GLP1R: variants seen among roughly 807,000 people sequenced by gnomAD.
GLP1R encodes glucagon like peptide 1 receptor.
A neutral mutation model predicts 68.4 loss-of-function variants in GLP1R; 32 were observed. The ratio of observed to expected loss-of-function variants is 0.47; its 90% CI spans 0.35 to 0.63. The LOEUF (loss-of-function observed/expected upper bound fraction) is 0.63, where lower values mean the gene tolerates loss of function less well. Ranked by LOEUF, GLP1R falls within the 20% of genes least tolerant of loss-of-function variation. GLP1R has a pLI of 0.00. For synonymous variants in GLP1R, 263 were observed against 244.4 expected (o/e 1.08, Z -0.71); for missense variants, 502 against 594.9 (o/e 0.84, Z 1.62).
At chr6:39,083,576 C>G (rs1313724170) in intron 12 of GLP1R, among the ~76,000 whole-genome samples, 2 of 152,188 alleles carry the variant, frequency 1.3e-5, no homozygotes, top group African/African-American at 4.8e-5. Context: ...TGACTCAGAG[C>G]CCTGAGTGCT....
At position 39,065,720 on chromosome 6, in the gene GLP1R, G is replaced by A; in HGVS notation, c.293G>A (p.Gly98Asp). The A allele has an allele frequency of 6.4e-7, 1 of 1,563,656 alleles. No homozygotes were observed. Among genetic ancestry groups the A allele is most frequent in the Non-Finnish European group, 8.7e-7 (1 of 1,153,066 alleles). The stretch of plus-strand genomic sequence containing the variant: ...GGTCTCCCCACCCCAGTGCCGCAGG[G>A]CCACGTGTACCGGTTCTGCACAGCT... The part of the protein sequence containing the change: ...YLPWASSVPQ[G>D]HVYRFCTAEG... Residue 98 changes from glycine to aspartate, a missense_variant, in exon 4 of 13, where the codon GGC (glycine) becomes GAC (aspartate). Coordinates refer to ENST00000373256, the MANE Select transcript of GLP1R (RefSeq NM_002062.5).
chr6:39,078,990 G>T lies in GLP1R; in HGVS notation c.918G>T (p.Trp306Cys). 6.2e-7 allele frequency: 1 copy of T among 1,614,090 alleles called. No homozygotes were observed. The part of the protein sequence containing the change: ...CWTRNSNMNY[W>C]LIIRLPILFA... ...CCAGGAACTCCAACATGAACTACTG[G>T]CTCATTATCCGGCTGCCCATTCTCT... The change falls in exon 9 of 13, where the codon TGG (tryptophan) becomes TGT (cysteine). Residue 306 changes from tryptophan (W) to cysteine (C), a missense_variant. Transcript: ENST00000373256.
chr6:39,082,480 A>G lies in GLP1R; in HGVS notation c.1224+1741A>G, dbSNP rs1347984517. On this transcript the variant is annotated intron_variant, in intron 12 of 12. Coordinates refer to ENST00000373256, the MANE Select transcript of GLP1R (RefSeq NM_002062.5). The stretch of plus-strand genomic sequence containing the variant: ...AGGCAAAGAGTGGCCCATAAATGGG[A>G]TTCTGGCTGCTCCTGGGACAGGTCT... 3.3e-5 allele frequency among the ~76,000 whole-genome samples: 5 copies of G among 152,258 alleles called. 1 individual carries two copies. In the East Asian group the frequency reaches 9.7e-4, roughly 29 times the overall value.
At chr6:39,065,893 GCAAAGACC>G in intron 4 of GLP1R, 64 bp downstream of exon 4, 1 of 982,088 alleles carries the variant, frequency 1.0e-6, no homozygotes, top group African/African-American at 1.6e-5. Context: ...CTTCACTGGA[GCAAAGACC>G]CTTGGCTTTG....
At chr6:39,080,949 G>A (rs1290567659) in intron 12 of GLP1R, among the ~76,000 whole-genome samples, 1 of 151,968 alleles carries the variant, frequency 6.6e-6, no homozygotes, top group Non-Finnish European at 1.5e-5. Flanking sequence ...ACAAGTACAT[G>A]TACAGGTATA....
Position 39,073,709 on chromosome 6 carries a change from C to T in GLP1R, c.763C>T (p.Leu255=). ...GGAGGGCGTGTACCTGTACACACTG[C>T]TGGCCTTCTCGGTCTTATCTGAGCA... ...LVEGVYLYTL[L]AFSVLSEQWI... The change falls in exon 7 of 13, where the codon CTG becomes TTG. Residue 255 remains leucine (L), a synonymous_variant. Coordinates refer to ENST00000373256, the MANE Select transcript of GLP1R (RefSeq NM_002062.5). 6.2e-7 allele frequency: 1 copy of T among 1,613,826 alleles called. No individual in the cohort carries two copies. The highest frequency in any genetic ancestry group is 8.5e-7 in the Non-Finnish European group (1 of 1,179,722).
chr6:39,073,584 C>A (rs986301001), intron 6 of GLP1R, 26 bp from the exon 7 acceptor site: 5 of 1,609,566 alleles, frequency 3.1e-6, no homozygotes, highest in African/African-American at 2.7e-5. Context: ...GCTGTTGTCC[C>A]CATGACACCC....
rs139154419 is a variant in GLP1R, at chr6:39,077,037, T to C, written c.824-1285T>C. Among the ~76,000 whole-genome samples the C allele has an allele frequency of 8.0e-3, 1,222 of 152,300 alleles. 11 individuals are homozygous for C. The highest frequency in any genetic ancestry group is 0.012 in the South Asian group (56 of 4,812). ...CTGGGAACCAGTTGTATTAATTCTC[T>C]ATTGCTGCAGAACGATTAACCCTGA... On this transcript the variant is annotated intron_variant, in intron 7 of 12. Transcript: ENST00000373256.
chr6:39,068,606 T>C (rs1410921783), intron 5 of GLP1R, among the ~76,000 whole-genome samples: 1 of 152,244 alleles, frequency 6.6e-6, no homozygotes, highest in Admixed American at 6.5e-5. Flanking sequence ...TGTGTGTCTG[T>C]AGAGTTAGCA....
At chr6:39,065,576 GA>G (rs1768479209) in intron 3 of GLP1R, 134 bp from the exon 4 acceptor site, 2 of 602,484 alleles carry the variant, frequency 3.3e-6, no homozygotes, top group Non-Finnish European at 6.0e-6. Context: ...AAGGGAAAAG[GA>G]TGTCACTAAC....
Position 39,079,696 on chromosome 6 carries a change from C to T in GLP1R, c.1176C>T (p.Ser392=), listed in dbSNP as rs760619871. ...IKLFTELSFT[S]FQGLMVAILY... is the part of the protein sequence containing the mutation. ...TGTTTACAGAGCTCTCCTTCACCTC[C>T]TTCCAGGTGACTTCATGCTTGGGGA... The change falls in exon 11 of 13, where the codon TCC becomes TCT. Residue 392 remains serine, a synonymous_variant. Transcript: ENST00000373256. This position sits in a 1 kb window ranked among gnomAD's most constrained non-coding sequence, Gnocchi z 4.5. The T allele has an allele frequency of 2.5e-6, 4 of 1,612,266 alleles. No homozygotes were observed. The highest frequency in any genetic ancestry group is 3.4e-6 in the Non-Finnish European group (4 of 1,178,820).
chr6:39,074,555 C>T (rs1335054399), intron 7 of GLP1R, among the ~76,000 whole-genome samples: 1 of 152,048 alleles, frequency 6.6e-6, no homozygotes, highest in Non-Finnish European at 1.5e-5. Flanking sequence ...GCCATTGAAT[C>T]CATGAGTTTT....
chr6:39,079,309 C>G lies in GLP1R; in HGVS notation c.1043+109C>G. ...ATGCTTAGCTTAGAGCCCTACACTA[C>G]CCTCTCCTTCCACCCAGGCCTGGCC... is the stretch of plus-strand genomic sequence containing the variant. On this transcript the variant is annotated intron_variant, in intron 10 of 12. Transcript: ENST00000373256. This position sits in a 1 kb window ranked among gnomAD's most constrained non-coding sequence, Gnocchi z 4.5. 1.1e-6 allele frequency: 1 copy of G among 898,624 alleles called. No individual in the cohort carries two copies. The highest frequency in any genetic ancestry group is 1.4e-5 in the South Asian group (1 of 70,526). 55.7% of individuals were successfully genotyped at this position (898,624 alleles called of 1,614,324 possible). A position where few individuals can be genotyped will look rare whatever the true frequency, so the allele number is the denominator to read the frequency against.
At chr6:39,083,375 G>A (rs1046895682) in intron 12 of GLP1R, among the ~76,000 whole-genome samples, 8 of 152,232 alleles carry the variant, frequency 5.3e-5, no homozygotes, top group Admixed American at 1.3e-4. Context: ...GTCCACAAGA[G>A]CTGTTCTGCA....
At chr6:39,054,412 A>G (rs1339648488) in intron 1 of GLP1R, among the ~76,000 whole-genome samples, 1 of 150,390 alleles carries the variant, frequency 6.6e-6, no homozygotes, top group Non-Finnish European at 1.5e-5. Flanking sequence ...AGGGGACAAG[A>G]TACTCTTACT....
At chr6:39,076,283 T>A (rs1047587369) in intron 7 of GLP1R, among the ~76,000 whole-genome samples, 1 of 152,192 alleles carries the variant, frequency 6.6e-6, no homozygotes, top group Non-Finnish European at 1.5e-5. Flanking sequence ...ATTCGTTCCA[T>A]TCTCACTGGG....
At chr6:39,064,548 AT>A (rs904179612) in intron 3 of GLP1R, among the ~76,000 whole-genome samples, 3 of 150,370 alleles carry the variant, frequency 2.0e-5, no homozygotes, top group Non-Finnish European at 4.4e-5. Context: ...CCACCCTCTC[AT>A]TGTGCCCTTT....
rs1178739492 is a variant in GLP1R, at chr6:39,079,256, T to C, written c.1043+56T>C. 4.1e-6 allele frequency: 5 copies of C among 1,217,108 alleles called. No homozygotes were observed. In the South Asian group the frequency reaches 6.0e-5, roughly 15 times the overall value. 75.4% of individuals were successfully genotyped at this position (1,217,108 alleles called of 1,614,324 possible). A position where few individuals can be genotyped will look rare whatever the true frequency, so the allele number is the denominator to read the frequency against. On this transcript the variant is annotated intron_variant, in intron 10 of 12. Coordinates refer to ENST00000373256, the MANE Select transcript of GLP1R (RefSeq NM_002062.5). This position sits in a 1 kb window ranked among gnomAD's most constrained non-coding sequence, Gnocchi z 4.5. ...CCCTCAGCAAGTGCCCCTTTCCTTC[T>C]AGCAGAGAGAGAGAGAGAGATCCTG...
intron 5 of GLP1R, among the ~76,000 whole-genome samples, chr6:39,069,884 T>C (rs1414593880): frequency 6.6e-6 from 1 of 152,166 alleles, no homozygotes; most frequent in Non-Finnish European, 1.5e-5. Flanking sequence ...TTTTGAAAAA[T>C]AGAAATTTAT....
Sources: allele counts gnomAD v4.1 joint callset (sites outside exome capture counted in the v4.1 genomes callset), GRCh38; gene constraint gnomAD v4.1.1; non-coding constraint Gnocchi (gnomAD v3.1); transcripts MANE v1.5; gene names NCBI Gene and HGNC (gene_info 2026-07-23, HGNC 2026-07-21).